The following LATS1 variants were observed in gnomAD, a reference collection of about 807,000 sequenced individuals.
LATS1 encodes serine/threonine-protein kinase LATS1.
A neutral mutation model predicts 106.6 loss-of-function variants in LATS1; 25 were observed. The observed-to-expected ratio is 0.23, with a 90% CI of 0.17 to 0.33. The LOEUF (loss-of-function observed/expected upper bound fraction) is 0.33. Among genes scored for constraint, LATS1 ranks in the 10% least tolerant of loss-of-function variants. The probability of loss-of-function intolerance (pLI) is 1.00; values close to 1 mark genes in which losing one functional copy is unlikely to be tolerated. For synonymous variants in LATS1, 465 were observed against 455.6 expected (o/e 1.02, Z -0.26); for missense variants, 1,040 against 1,382.6 (o/e 0.75, Z 3.93).
At position 149,702,045 on chromosome 6, in the gene LATS1, G is replaced by A. The variant is rs191160444; in HGVS notation, c.82C>T (p.Arg28Trp). The A allele has an allele frequency of 6.8e-6, 11 of 1,614,006 alleles. No homozygotes were observed. The East Asian group carries it at 8.9e-5, about 13-fold the overall frequency. ...TCCCGAATTTCTTGTAACATTTGCC[G>A]GCTACTGACAGTATAGTTACTGGCA... ...FPASNYTVSS[R>W]QMLQEIRESL... The change falls in exon 2 of 8, where the codon CGG becomes TGG. Residue 28 changes from arginine to tryptophan, a missense_variant. Physicochemically the swap from Arg to Trp is moderately radical, Grantham distance 101. Transcript: ENST00000543571.
Position 149,695,114 on chromosome 6 carries a change from A to T in LATS1, c.456T>A (p.Ala152=), listed in dbSNP as rs1021096440. 1.2e-6 allele frequency: 2 copies of T among 1,611,724 alleles called. No individual in the cohort carries two copies. The highest frequency in any genetic ancestry group is 3.4e-5 in the Admixed American group (2 of 59,588). ...SYQDPRREQM[A]AAAARPINAS... is the part of the protein sequence containing the mutation. The stretch of plus-strand genomic sequence containing the variant: ...CATTAATAGGTCTGGCAGCTGCTGC[A>T]GCCATCTGCTCTCGTCGAGGATCTT... Residue 152 remains alanine (A), a synonymous_variant, in exon 3 of 8, where the codon GCT becomes GCA. Transcript: ENST00000543571.
At chr6:149,681,682 G>T (rs557839531) in intron 4 of LATS1, among the ~76,000 whole-genome samples, 4 of 152,316 alleles carry the variant, frequency 2.6e-5, no homozygotes, top group African/African-American at 9.6e-5. Context: ...TAACAATACT[G>T]TAAAATCAGA....
chr6:149,693,299 G>C (rs1339339749), intron 3 of LATS1, among the ~76,000 whole-genome samples: 2 of 146,620 alleles, frequency 1.4e-5, no homozygotes, highest in Admixed American at 6.9e-5. Flanking sequence ...AAAATTAAAA[G>C]AGGTAAAGTG....
At chr6:149,691,282 A>G (rs1782735149) in intron 3 of LATS1, among the ~76,000 whole-genome samples, 1 of 152,188 alleles carries the variant, frequency 6.6e-6, no homozygotes, top group Non-Finnish European at 1.5e-5. Context: ...CAAACATATG[A>G]GGACACAGCA....
In LATS1 at chr6:149,683,532, C is replaced by T. The variant is rs1782175758; in HGVS notation, c.1557G>A (p.Trp519Ter). 2 of 1,614,056 alleles carry T rather than the reference C, an allele frequency of 1.2e-6. No homozygotes were observed. The highest frequency in any genetic ancestry group is 1.7e-5 in the Admixed American group (1 of 60,000). Residue 519 changes from tryptophan to a stop codon, truncating the protein, a stop_gained, in exon 4 of 8, where the codon TGG becomes TGA. Coordinates refer to ENST00000543571, the MANE Select transcript of LATS1 (RefSeq NM_004690.4). LOFTEE classifies it high-confidence loss of function. ...QTALAPTHPSWIPQPIQTVQP... is the reference protein window; with the variant it reads ...QTALAPTHPS ...GAACAGTTTGAATTGGCTGTGGTAT[C>T]CAAGAAGGGTGTGTAGGTGCTAAAG... is the stretch of plus-strand genomic sequence containing the variant.
At chr6:149,673,831 T>C (rs111821206) in intron 7 of LATS1, among the ~76,000 whole-genome samples, 3,685 of 151,562 alleles carry the variant, frequency 0.024, 180 homozygotes, top group African/African-American at 0.084. Context: ...CCAGCCACCA[T>C]GCACGGCTAA....
At chr6:149,695,392 T>G (rs114962667) in intron 2 of LATS1, among the ~76,000 whole-genome samples, 171 bp from the exon 3 acceptor site, 3,664 of 152,100 alleles carry the variant, frequency 0.024, 134 homozygotes, top group African/African-American at 0.083. Context: ...GCACAAAATC[T>G]CAACTAAAAC....
intron 7 of LATS1, among the ~76,000 whole-genome samples, chr6:149,675,244 C>T (rs969426840): frequency 6.7e-6 from 1 of 149,158 alleles, no homozygotes; most frequent in African/African-American, 2.5e-5. Context: ...AGAGAATGAC[C>T]AAGAGTTAAT....
intron 3 of LATS1, among the ~76,000 whole-genome samples, chr6:149,692,163 T>G (rs62439846): frequency 0.032 from 4,879 of 152,302 alleles, 113 homozygotes; most frequent in Non-Finnish European, 0.049. Flanking sequence ...AACACTTCTA[T>G]ACCTTTCTGC....
At chr6:149,698,239 C>CT (rs36006005) in intron 2 of LATS1, among the ~76,000 whole-genome samples, 56 of 146,284 alleles carry the variant, frequency 3.8e-4, no homozygotes, top group East Asian at 1.6e-3. Flanking sequence ...GAATGGGAGT[C>CT]TTTTTTTTTT....
intron 3 of LATS1, among the ~76,000 whole-genome samples, chr6:149,685,673 A>T (rs752438947): frequency 6.6e-6 from 1 of 152,208 alleles, no homozygotes; most frequent in Non-Finnish European, 1.5e-5. Context: ...GGTGTGAGCC[A>T]CTGCACCTGG....
At position 149,662,084 on chromosome 6, in the gene LATS1, A is replaced by G. The variant is rs746547966; in HGVS notation, c.3038T>C (p.Ile1013Thr). The G allele has an allele frequency of 6.2e-7, 1 of 1,614,172 alleles. No homozygotes were observed. The highest frequency in any genetic ancestry group is 8.5e-7 in the Non-Finnish European group (1 of 1,180,036). ...CTGTCTCAGGTCACTGGAGAAGTCA[A>G]TTGTTTTAAAAAATGGATGAGCTTT... ...EIKAHPFFKT[I>T]DFSSDLRQQS... Residue 1013 changes from isoleucine (I) to threonine (T), a missense_variant, in exon 8 of 8, where the codon ATT becomes ACT. Ile to Thr is a moderately conservative substitution (Grantham distance 89, BLOSUM62 -1). Transcript: ENST00000543571.
Position 149,661,308 on chromosome 6 carries a change from G to T in LATS1, c.*421C>A, listed in dbSNP as rs1780873757. On this transcript the variant is annotated 3_prime_UTR_variant, in exon 8 of 8. Transcript: ENST00000543571. ...GGTTATGAGGGGAAAAAAGAGCTCTGTAAAATAGGGGGTATGTTTCATATT... is the reference window on the plus strand; with the variant it reads ...GGTTATGAGGGGAAAAAAGAGCTCTTTAAAATAGGGGGTATGTTTCATATT... The T allele has an allele frequency of 4.3e-6, 1 of 233,764 alleles. No homozygotes were observed. The highest frequency in any genetic ancestry group is 2.2e-5 in the African/African-American group (1 of 45,384). The allele number at this position is 233,764 out of a possible 1,614,324, so 14.5% of individuals were successfully genotyped here.
At chr6:149,695,703 A>C (rs1319796604) in intron 2 of LATS1, among the ~76,000 whole-genome samples, 1 of 151,920 alleles carries the variant, frequency 6.6e-6, no homozygotes, top group East Asian at 1.9e-4. Flanking sequence ...GAAAGAAAAC[A>C]AAACCCTCAA....
chr6:149,676,446 A>G, intron 6 of LATS1, 80 bp from the exon 7 acceptor site: 2 of 1,362,240 alleles, frequency 1.5e-6, no homozygotes, highest in Non-Finnish European at 2.0e-6. Context: ...ACCAATTTAT[A>G]CTTTAAAATT....
chr6:149,677,461 ATGGTC>A (rs1261297270), intron 5 of LATS1, among the ~76,000 whole-genome samples: 4 of 152,208 alleles, frequency 2.6e-5, no homozygotes, highest in African/African-American at 9.6e-5. Context: ...AGCAATAGAA[ATGGTC>A]TGCCTTTTAC....
chr6:149,697,608 A>AT (rs1443686976), intron 2 of LATS1, among the ~76,000 whole-genome samples: 1 of 152,234 alleles, frequency 6.6e-6, no homozygotes, highest in African/African-American at 2.4e-5. Flanking sequence ...GGAGTGTTTA[A>AT]TTTTAAAACT....
At position 149,684,377 on chromosome 6, in the gene LATS1, G is replaced by A; in HGVS notation, c.712C>T (p.Pro238Ser). Residue 238 changes from proline (P) to serine (S), a missense_variant, in exon 4 of 8, where the codon CCA (proline) becomes TCA (serine). Physicochemically the swap from Pro to Ser is moderately conservative, Grantham distance 74 (BLOSUM62 -1). This residue lies in a region of LATS1 where 624 missense variants were observed against 714.8 expected (regional missense o/e 0.87). Transcript: ENST00000543571. ...GTAACACTCCTTACTTGAGGTGGTG[G>A]TGGGGGGTTCACTCTCTGTCCGTTG... ...PSNGQRVNPPPPPQVRSVTPP... is the reference protein window; with the variant it reads ...PSNGQRVNPPSPPQVRSVTPP... The A allele has an allele frequency of 1.9e-6, 3 of 1,614,026 alleles. No individual in the cohort carries two copies. The highest frequency in any genetic ancestry group is 1.7e-5 in the Admixed American group (1 of 59,996).
intron 1 of LATS1, among the ~76,000 whole-genome samples, chr6:149,708,457 ATCT>A (rs1379070389): frequency 6.6e-6 from 1 of 152,004 alleles, no homozygotes; most frequent in Admixed American, 6.6e-5. Context: ...GATAATCTAA[ATCT>A]TCTGATCTCA....
Sources: gnomAD v4.1 joint callset for allele counts (sites outside exome capture counted in the v4.1 genomes callset) on GRCh38, gnomAD v4.1.1 for gene constraint, gnomAD v4.1.1 regional missense constraint, MANE v1.5 for transcripts, NCBI Gene and HGNC (gene_info 2026-07-23, HGNC 2026-07-21) for gene names.